The following ERC2 variants were observed in gnomAD, a reference collection of about 807,000 sequenced individuals.
ERC2 encodes the protein ERC protein 2.
In ERC2, 42 loss-of-function variants were observed where a neutral mutation model predicts 114.8. That is an observed-to-expected ratio of 0.37 (90% CI 0.29 to 0.47). The LOEUF is 0.47. Ranked by LOEUF, ERC2 falls within the 20% of genes least tolerant of loss-of-function variation. The probability of loss-of-function intolerance (pLI) is 0.99; values close to 1 mark genes in which losing one functional copy is unlikely to be tolerated. For missense variants in ERC2, 939 were observed against 1,150.7 expected, an observed-to-expected ratio of 0.82 and a Z score of 2.66; for synonymous variants, 454 against 425.5, an observed-to-expected ratio of 1.07 and a Z score of -0.82.
At chr3:55,691,544 CAAAAAAAAAAAAAAAA>C (rs748917550) in intron 16 of ERC2, among the ~76,000 whole-genome samples, 17 of 67,020 alleles carry the variant, frequency 2.5e-4, no homozygotes, top group South Asian at 1.3e-3. Flanking sequence ...ATTTGCAATG[CAAAAAAAAAAAAAAAA>C]AAAAAAAAAA....
intron 17 of ERC2, among the ~76,000 whole-genome samples, chr3:55,578,347 GCCCA>G (rs910081521): frequency 1.3e-5 from 2 of 152,080 alleles, no homozygotes; most frequent in African/African-American, 4.8e-5. Flanking sequence ...AGTCCCTAAA[GCCCA>G]CCTCGGGGCC....
At chr3:56,101,325 A>G (rs2078341261) in intron 6 of ERC2, among the ~76,000 whole-genome samples, 1 of 147,080 alleles carries the variant, frequency 6.8e-6, no homozygotes, top group Non-Finnish European at 1.5e-5. Flanking sequence ...AATAACAACA[A>G]TATTATAACA....
chr3:56,392,852 G>T (rs1433049692), intron 2 of ERC2, among the ~76,000 whole-genome samples: 1 of 152,082 alleles, frequency 6.6e-6, no homozygotes, highest in Non-Finnish European at 1.5e-5. Context: ...AAAAGCTACA[G>T]CAGGCAAATA....
intron 13 of ERC2, among the ~76,000 whole-genome samples, chr3:55,908,519 G>T (rs4541375): frequency 1.3e-5 from 2 of 151,896 alleles, no homozygotes; most frequent in Non-Finnish European, 2.9e-5. Context: ...GATGCTCAGA[G>T]GGAGAAGCCT....
intron 17 of ERC2, among the ~76,000 whole-genome samples, chr3:55,641,575 A>AAAAAAAAAAAAAC (rs2060187530): frequency 6.7e-6 from 1 of 149,800 alleles, no homozygotes; most frequent in African/African-American, 2.5e-5. Flanking sequence ...AAAAAAAAAA[A>AAAAAAAAAAAAAC]AAAAGCCAAT....
chr3:56,015,944 T>C (rs1029597594), intron 8 of ERC2, among the ~76,000 whole-genome samples: 4 of 152,228 alleles, frequency 2.6e-5, no homozygotes, highest in African/African-American at 7.2e-5. Flanking sequence ...TGATTTGCAT[T>C]TCTCTAATGA....
chr3:56,003,142 G>T (rs1279583012), intron 10 of ERC2: 3 of 1,287,788 alleles, frequency 2.3e-6, no homozygotes, highest in Non-Finnish European at 3.0e-6. Context: ...TTGCTACATT[G>T]CAAAGTTGGG....
chr3:56,433,652 A>G (rs2061890956), intron 2 of ERC2: 1 of 152,486 alleles, frequency 6.6e-6, no homozygotes, highest in Non-Finnish European at 1.5e-5. Context: ...GCTTTAAAGC[A>G]GGAAAATAGC....
intron 2 of ERC2, among the ~76,000 whole-genome samples, chr3:56,383,352 T>C (rs939853006): frequency 3.3e-5 from 5 of 152,284 alleles, no homozygotes; most frequent in Admixed American, 3.3e-4. Flanking sequence ...TCCGGTGCCT[T>C]TCCTTCTAAT....
intron 14 of ERC2, among the ~76,000 whole-genome samples, chr3:55,813,443 A>C (rs1208023210): frequency 2.6e-5 from 4 of 152,218 alleles, no homozygotes; most frequent in Non-Finnish European, 5.9e-5. Flanking sequence ...ACATGATTGC[A>C]GAATCAAGAA....
intron 17 of ERC2, among the ~76,000 whole-genome samples, chr3:55,633,178 A>G (rs2059824549): frequency 6.6e-6 from 1 of 152,240 alleles, no homozygotes; most frequent in Admixed American, 6.5e-5. Flanking sequence ...TGCTGAAAAG[A>G]TGCAAGAAAG....
intron 17 of ERC2, among the ~76,000 whole-genome samples, chr3:55,583,719 G>C (rs1050601295): frequency 5.3e-5 from 8 of 151,580 alleles, no homozygotes; most frequent in Admixed American, 2.6e-4. Context: ...GAAGCTGGGG[G>C]ATCTGCTCAG....
chr3:55,862,872 A>T (rs545664387), intron 14 of ERC2, among the ~76,000 whole-genome samples: 32 of 152,284 alleles, frequency 2.1e-4, no homozygotes, highest in African/African-American at 7.2e-4. Context: ...GTTCCAAAAT[A>T]TTATGTTTTA....
intron 17 of ERC2, among the ~76,000 whole-genome samples, chr3:55,605,162 C>T (rs144204122): frequency 6.6e-6 from 1 of 151,846 alleles, no homozygotes; most frequent in Non-Finnish European, 1.5e-5. Context: ...GTCGCCCATG[C>T]TGGGCTGCAG....
intron 3 of ERC2, among the ~76,000 whole-genome samples, chr3:56,285,157 C>T (rs1012619847): frequency 1.3e-5 from 2 of 148,230 alleles, no homozygotes; most frequent in Non-Finnish European, 3.0e-5. Context: ...TGGAGTCAGA[C>T]TCCGGGTGAA....
chr3:55,647,447 G>A (rs2060443442), intron 17 of ERC2, among the ~76,000 whole-genome samples: 1 of 152,186 alleles, frequency 6.6e-6, no homozygotes, highest in African/African-American at 2.4e-5. Context: ...CAAATACGTT[G>A]ACTGAAAGTT....
At chr3:55,631,366 C>A (rs904835000) in intron 17 of ERC2, among the ~76,000 whole-genome samples, 2 of 152,156 alleles carry the variant, frequency 1.3e-5, no homozygotes, top group Non-Finnish European at 1.5e-5. Context: ...CTCAGATGCA[C>A]AAGTTGGTTT....
intron 7 of ERC2, among the ~76,000 whole-genome samples, chr3:56,059,987 C>G (rs1417722345): frequency 6.6e-6 from 1 of 152,214 alleles, no homozygotes; most frequent in Non-Finnish European, 1.5e-5. Context: ...TGTCTGTTCT[C>G]TGAATTCTCT....
chr3:56,220,378 G>C (rs1209569009), intron 3 of ERC2, among the ~76,000 whole-genome samples: 3 of 152,182 alleles, frequency 2.0e-5, no homozygotes, highest in African/African-American at 7.2e-5. Flanking sequence ...ATATGGGTCT[G>C]CTGGGTTTTG....
Sources: gnomAD v4.1 joint callset for allele counts (sites outside exome capture counted in the v4.1 genomes callset) on GRCh38, gnomAD v4.1.1 for gene constraint, MANE v1.5 for transcripts, NCBI Gene and HGNC (gene_info 2026-07-23, HGNC 2026-07-21) for gene names.